BAG3: variants seen among roughly 807,000 people sequenced by gnomAD.
The protein encoded by BAG3 is BAG family molecular chaperone regulator 3.
In BAG3, 14 loss-of-function variants were observed where a neutral mutation model predicts 40.5. That is an observed-to-expected ratio of 0.35 (90% CI 0.23 to 0.54). BAG3 has a LOEUF of 0.54. Ranked by LOEUF, BAG3 falls within the 20% of genes least tolerant of loss-of-function variation. The probability of loss-of-function intolerance (pLI) is 0.91; values close to 1 mark genes in which losing one functional copy is unlikely to be tolerated. For missense variants in BAG3, 788 were observed against 758.6 expected (o/e 1.04, Z -0.46); for synonymous variants, 302 against 307.8 (o/e 0.98, Z 0.20).
rs189488870 is a variant in BAG3 at position 119,677,443 on chromosome 10, A to G, written c.*161A>G. ...ACTAATAAAAGGGCTAAAAAGGAAAATGATGCTTTTCTTCTATATTCTTAC... is the reference window on the plus strand; with the variant it reads ...ACTAATAAAAGGGCTAAAAAGGAAAGTGATGCTTTTCTTCTATATTCTTAC... On this transcript the variant is annotated 3_prime_UTR_variant, in exon 4 of 4. Coordinates refer to ENST00000369085, the MANE Select transcript of BAG3 (RefSeq NM_004281.4). 6.0e-5 allele frequency: 51 copies of G among 848,674 alleles called. No homozygotes were observed. In the African/African-American group the frequency reaches 7.2e-4, roughly 12 times the overall value. The allele number at this position is 848,674 out of a possible 1,614,324, so 52.6% of individuals were successfully genotyped here. A position where few individuals can be genotyped will look rare whatever the true frequency, so the allele number is the denominator to read the frequency against.
intron 1 of BAG3, chr10:119,656,773 G>A (rs898866265): frequency 6.6e-6 from 1 of 152,014 alleles, no homozygotes; most frequent in African/African-American, 2.4e-5. Flanking sequence ...GTATTTTTCT[G>A]TCTGTCAACA....
chr10:119,658,345 C>T (rs17099133), intron 1 of BAG3, among the ~76,000 whole-genome samples: 2,093 of 152,320 alleles, frequency 0.014, 47 homozygotes, highest in African/African-American at 0.047. Context: ...CTGGGTTGGA[C>T]GGTGTCTTCC....
intron 3 of BAG3, among the ~76,000 whole-genome samples, chr10:119,673,413 G>A (rs866864886): frequency 4.6e-5 from 7 of 152,228 alleles, no homozygotes; most frequent in African/African-American, 9.6e-5. Flanking sequence ...CAGCTATGGC[G>A]GATTGGAAGC....
chr10:119,660,975 C>T (rs1438116236), intron 1 of BAG3, among the ~76,000 whole-genome samples: 2 of 152,192 alleles, frequency 1.3e-5, no homozygotes, highest in African/African-American at 4.8e-5. Context: ...TGCCTGTAAT[C>T]CCAGCTACTC....
At chr10:119,673,580 GA>G (rs979905783) in intron 3 of BAG3, among the ~76,000 whole-genome samples, 126 of 152,358 alleles carry the variant, frequency 8.3e-4, no homozygotes, top group African/African-American at 2.9e-3. Context: ...GCTGCAACTT[GA>G]GCAGCTGAAT....
At chr10:119,659,822 C>G (rs1400533765) in intron 1 of BAG3, among the ~76,000 whole-genome samples, 1 of 152,210 alleles carries the variant, frequency 6.6e-6, no homozygotes, top group Non-Finnish European at 1.5e-5. Context: ...TTCCTTGACT[C>G]TGTCTAAATT....
At chr10:119,667,097 C>A (rs1316300253) in intron 1 of BAG3, among the ~76,000 whole-genome samples, 2 of 152,194 alleles carry the variant, frequency 1.3e-5, no homozygotes, top group Non-Finnish European at 2.9e-5. Flanking sequence ...CTGCCTCAGC[C>A]TCCTGAATAG....
chr10:119,676,583 C>A lies in BAG3; in HGVS notation c.1029C>A (p.Arg343=), dbSNP rs117972572. The change falls in exon 4 of 4, where the codon CGC becomes CGA. Residue 343 remains arginine (R), a synonymous_variant. Coordinates refer to ENST00000369085, the MANE Select transcript of BAG3 (RefSeq NM_004281.4). ...PPGHIPIQVI[R]KEVDSKPVSQ... ...GACACATCCCAATTCAAGTGATCCG[C>A]AAAGAGGTGGATTCTAAACCTGTTT... is the stretch of plus-strand genomic sequence containing the variant. 2.4e-4 allele frequency: 380 copies of A among 1,614,136 alleles called. No individual in the cohort carries two copies. Among genetic ancestry groups the A allele is most frequent in the Middle Eastern group, 3.3e-4 (2 of 6,062 alleles).
chr10:119,667,592 G>A (rs370334922), intron 1 of BAG3, among the ~76,000 whole-genome samples: 5 of 152,156 alleles, frequency 3.3e-5, no homozygotes, highest in East Asian at 3.9e-4. Context: ...ATCCCTCAGG[G>A]CCTCCGTGCT....
At chr10:119,673,844 GTT>G (rs1847184532) in intron 3 of BAG3, among the ~76,000 whole-genome samples, 1 of 152,186 alleles carries the variant, frequency 6.6e-6, no homozygotes, top group Non-Finnish European at 1.5e-5. Context: ...TTATTGATGT[GTT>G]TTAACTGTTT....
intron 1 of BAG3, among the ~76,000 whole-genome samples, chr10:119,653,025 A>G (rs905770343): frequency 6.6e-6 from 1 of 152,238 alleles, no homozygotes; most frequent in Non-Finnish European, 1.5e-5. Context: ...TATTTTGAAG[A>G]TTTAAAAACT....
chr10:119,654,018 T>C (rs1846878225), intron 1 of BAG3, among the ~76,000 whole-genome samples: 1 of 152,196 alleles, frequency 6.6e-6, no homozygotes, highest in Admixed American at 6.6e-5. Flanking sequence ...AGTGAATGAC[T>C]TGAGACTTGT....
intron 1 of BAG3, among the ~76,000 whole-genome samples, chr10:119,656,332 C>T (rs990683036): frequency 1.3e-5 from 2 of 151,528 alleles, no homozygotes; most frequent in African/African-American, 4.8e-5. Flanking sequence ...GTCAAGTAGA[C>T]ACCTCTGATC....
rs1457792995 is a variant in BAG3, at chr10:119,672,317, C to G, written c.570C>G (p.Ser190=). 1.2e-6 allele frequency: 2 copies of G among 1,614,118 alleles called. No homozygotes were observed. The highest frequency in any genetic ancestry group is 2.2e-5 in the South Asian group (2 of 91,088). The change falls in exon 3 of 4, where the codon TCC becomes TCG. Residue 190 remains serine (S), a synonymous_variant. Coordinates refer to ENST00000369085, the MANE Select transcript of BAG3 (RefSeq NM_004281.4). This position sits in a 1 kb window ranked among gnomAD's most constrained non-coding sequence, Gnocchi z 4.8. ...CATCCTCCTCGGCCAGCCTGCCTTC[C>G]TCCGGCAGGAGCAGCCTGGGCAGTC... ...SSSSSSASLP[S]SGRSSLGSHQ... is the part of the protein sequence containing the mutation.
In BAG3 at chr10:119,677,385, C is replaced by T. The variant is rs536365139; in HGVS notation, c.*103C>T. ...TAAGTCAGTTGGTTTTTATTAGCTGCTTGGTATGCAGTAACTTGGGTGGAG... is the reference window on the plus strand; with the variant it reads ...TAAGTCAGTTGGTTTTTATTAGCTGTTTGGTATGCAGTAACTTGGGTGGAG... On this transcript the variant is annotated 3_prime_UTR_variant, in exon 4 of 4. Coordinates refer to ENST00000369085, the MANE Select transcript of BAG3 (RefSeq NM_004281.4). 9.0e-6 allele frequency: 13 copies of T among 1,442,106 alleles called. No homozygotes were observed. Among genetic ancestry groups the T allele is most frequent in the Non-Finnish European group, 1.2e-5 (13 of 1,041,840 alleles). 89.3% of individuals were successfully genotyped at this position (1,442,106 alleles called of 1,614,324 possible).
chr10:119,663,932 C>T (rs1489885835), intron 1 of BAG3, among the ~76,000 whole-genome samples: 1 of 152,132 alleles, frequency 6.6e-6, no homozygotes, highest in Non-Finnish European at 1.5e-5. Flanking sequence ...TGCTTCGATA[C>T]CCCAAGTGCT....
chr10:119,669,871 T>C lies in BAG3; in HGVS notation c.201T>C (p.Asn67=). 4 of 1,614,198 alleles carry C rather than the reference T, an allele frequency of 2.5e-6. No homozygotes were observed. Among genetic ancestry groups the C allele is most frequent in the Non-Finnish European group, 3.4e-6 (4 of 1,180,032 alleles). Residue 67 remains asparagine (N), a synonymous_variant, in exon 2 of 4, where the codon AAT becomes AAC. Transcript: ENST00000369085. ...TTCAGGAGACTCCATCCTCTGCCAATGGCCCTTCCCGGGAGGGCTCTAGGC... is the reference window on the plus strand; with the variant it reads ...TTCAGGAGACTCCATCCTCTGCCAACGGCCCTTCCCGGGAGGGCTCTAGGC... ...EGPKETPSSA[N]GPSREGSRLP...
At chr10:119,673,472 T>C (rs1212519848) in intron 3 of BAG3, among the ~76,000 whole-genome samples, 2 of 152,102 alleles carry the variant, frequency 1.3e-5, no homozygotes, top group East Asian at 1.9e-4. Flanking sequence ...TATCTTCCAG[T>C]GGAGACACAA....
In BAG3 at chr10:119,654,511, A is replaced by G. The variant is rs140079243; in HGVS notation, c.180+2656A>G. Among the ~76,000 whole-genome samples the G allele has an allele frequency of 2.4e-3, 367 of 152,358 alleles. 2 individuals are homozygous for G. The highest frequency in any genetic ancestry group is 8.5e-3 in the African/African-American group (354 of 41,588). ...TTGATCTTCCGCCTTCTCCTGAAGT[A>G]GTTAGGACAACTCCCTGTTTTCACA... is the stretch of plus-strand genomic sequence containing the variant. On this transcript the variant is annotated intron_variant, in intron 1 of 3. Transcript: ENST00000369085.
Sources: gnomAD v4.1 joint callset for allele counts (sites outside exome capture counted in the v4.1 genomes callset) on GRCh38, gnomAD v4.1.1 for gene constraint, Gnocchi (gnomAD v3.1) non-coding constraint, MANE v1.5 for transcripts, NCBI Gene and HGNC (gene_info 2026-07-23, HGNC 2026-07-21) for gene names.